Variants in SUGP2 observed in about 807,000 individuals in gnomAD.
SUGP2 encodes the protein SURP and G-patch domain-containing protein 2.
A neutral mutation model predicts 90.5 loss-of-function variants in SUGP2; 24 were observed. The observed-to-expected ratio is 0.27, with a 90% confidence interval of 0.19 to 0.37. The LOEUF (loss-of-function observed/expected upper bound fraction) is 0.37, where lower values mean the gene tolerates loss of function less well. Ranked by LOEUF, SUGP2 falls within the 10% of genes least tolerant of loss-of-function variation. SUGP2 has a pLI of 1.00. For missense variants in SUGP2, 1,233 were observed against 1,363.3 expected (o/e 0.90, Z 1.51); for synonymous variants, 473 against 513.4 (o/e 0.92, Z 1.06).
intron 3 of SUGP2, among the ~76,000 whole-genome samples, chr19:19,023,931 T>C (rs1182793093): frequency 6.6e-6 from 1 of 151,838 alleles, no homozygotes; most frequent in Non-Finnish European, 1.5e-5. Context: ...CAACCCTTCT[T>C]TTTTTCAAAG....
chr19:19,013,555 C>A (rs539850457), intron 4 of SUGP2, among the ~76,000 whole-genome samples: 38 of 152,312 alleles, frequency 2.5e-4, no homozygotes, highest in Admixed American at 7.2e-4. Flanking sequence ...TCAAACAAGA[C>A]AAAGGCCTGC....
Position 19,025,516 on chromosome 19 carries a change from G to A in SUGP2, c.832C>T (p.Pro278Ser). The change falls in exon 3 of 11, where the codon CCT becomes TCT. Residue 278 changes from proline (P) to serine (S), a missense_variant. Physicochemically the swap from Pro to Ser is moderately conservative, Grantham distance 74 (BLOSUM62 -1). This residue lies in a region of SUGP2 where 418 missense variants were observed against 399.9 expected (regional missense o/e 1.05). Transcript: ENST00000452918. ...GGGTTTGTCCCCAGGGTCACATCAG[G>A]ACTTGGAGTGTTTTTCTGGATTTGG... ...TNQIQKNTPS[P>S]DVTLGTNPGT... 1 of 1,614,076 alleles carries A rather than the reference G, an allele frequency of 6.2e-7. No homozygotes were observed. The highest frequency in any genetic ancestry group is 8.5e-7 in the Non-Finnish European group (1 of 1,180,012).
At position 18,994,455 on chromosome 19, in the gene SUGP2, C is replaced by T. The variant is rs1362081477; in HGVS notation, c.3160G>A (p.Ala1054Thr). The change falls in exon 10 of 11, where the codon GCT becomes ACT. Residue 1054 changes from alanine to threonine, a missense_variant. This residue lies in a region of SUGP2 where 53 missense variants were observed against 55.3 expected (regional missense o/e 0.96). Coordinates refer to ENST00000452918, the MANE Select transcript of SUGP2 (RefSeq NM_001017392.5). ...GTPSEGEGLG[A>T]DGQEHKEDTF... is the part of the protein sequence containing the mutation. Reference sequence around the variant, plus strand: ...TCTTCTTTGTGCTCCTGCCCGTCAGCACCCAACCCTTCCCCTTCCGAGGGG... The same window carrying T: ...TCTTCTTTGTGCTCCTGCCCGTCAGTACCCAACCCTTCCCCTTCCGAGGGG... The T allele has an allele frequency of 3.1e-6, 5 of 1,614,088 alleles. No homozygotes were observed. Among genetic ancestry groups the T allele is most frequent in the African/African-American group, 1.3e-5 (1 of 74,942 alleles).
At chr19:18,997,590 C>T (rs1282813645) in intron 8 of SUGP2, among the ~76,000 whole-genome samples, 1 of 151,978 alleles carries the variant, frequency 6.6e-6, no homozygotes, top group Non-Finnish European at 1.5e-5. Flanking sequence ...TGAGACCAGC[C>T]TGACCAACAT....
At chr19:19,007,611 C>T (rs1599454583) in intron 6 of SUGP2, among the ~76,000 whole-genome samples, 1 of 151,822 alleles carries the variant, frequency 6.6e-6, no homozygotes, top group Non-Finnish European at 1.5e-5. Context: ...CCTGCCACTA[C>T]ACCCGGCTAA....
chr19:19,022,886 G>T (rs2058781519), intron 3 of SUGP2, among the ~76,000 whole-genome samples: 1 of 152,138 alleles, frequency 6.6e-6, no homozygotes, highest in South Asian at 2.1e-4. Context: ...TTCGCCACTG[G>T]ACTGGGGGCA....
chr19:18,997,654 G>A (rs574523846), intron 8 of SUGP2, among the ~76,000 whole-genome samples: 3 of 151,910 alleles, frequency 2.0e-5, no homozygotes, highest in African/African-American at 4.8e-5. Flanking sequence ...GTGGTGGCAC[G>A]CCCCTGTAAT....
chr19:19,033,461 ACC>A lies in SUGP2; in HGVS notation c.-38_-37del. The A allele has an allele frequency of 7.2e-7, 1 of 1,394,920 alleles. No individual in the cohort carries two copies. Among genetic ancestry groups the A allele is most frequent in the Non-Finnish European group, 9.3e-7 (1 of 1,074,418 alleles). 86.4% of individuals were successfully genotyped at this position (1,394,920 alleles called of 1,614,324 possible). ...CCCCGAGACCACCGCGCGCGGAGCC[ACC>A]CCCGCCGCCGCCTCAGGCTCCTCAC... is the stretch of plus-strand genomic sequence containing the variant. On this transcript the variant is annotated 5_prime_UTR_variant, in exon 1 of 11. Coordinates refer to ENST00000452918, the MANE Select transcript of SUGP2 (RefSeq NM_001017392.5).
Position 19,010,149 on chromosome 19 carries a change from G to A in SUGP2, c.2044C>T (p.Leu682Phe). Residue 682 changes from leucine to phenylalanine, a missense_variant, in exon 5 of 11, where the codon CTC becomes TTC. Leu to Phe is a conservative substitution (Grantham distance 22). Transcript: ENST00000452918. ...KKLLPWQRRGLLRAQGLRGWK... is the reference protein window; with the variant it reads ...KKLLPWQRRGFLRAQGLRGWK... ...CCCCGGAGCCCTTGAGCACGGAGGA[G>A]CCCCCGCCGCTGCCACGGAAGGAGT... The A allele has an allele frequency of 6.2e-7, 1 of 1,612,722 alleles. No homozygotes were observed. The highest frequency in any genetic ancestry group is 8.5e-7 in the Non-Finnish European group (1 of 1,179,860).
chr19:19,004,032 G>C lies in SUGP2; in HGVS notation c.2929+136C>G, dbSNP rs559274710. 4 of 685,660 alleles carry C rather than the reference G, an allele frequency of 5.8e-6. No homozygotes were observed. In the South Asian group the frequency reaches 8.0e-5, roughly 14 times the overall value. The allele number at this position is 685,660 out of a possible 1,614,324, so 42.5% of individuals were successfully genotyped here. On this transcript the variant is annotated intron_variant, in intron 7 of 10. Transcript: ENST00000452918. Reference sequence around the variant, plus strand: ...ATGCCTTCAGACCACTGGGAAACATGAGTGTCGGCTCACATTTTGGAGTGG... The same window carrying C: ...ATGCCTTCAGACCACTGGGAAACATCAGTGTCGGCTCACATTTTGGAGTGG...
chr19:19,031,154 T>C (rs2059135557), intron 1 of SUGP2, 72 bp from the exon 2 acceptor site: 3 of 1,524,788 alleles, frequency 2.0e-6, no homozygotes, highest in Admixed American at 4.2e-5. Context: ...ATACCTGTAA[T>C]CCTGGCACTT....
intron 7 of SUGP2, among the ~76,000 whole-genome samples, chr19:19,002,751 G>A (rs537809893): frequency 6.6e-6 from 1 of 152,022 alleles, no homozygotes; most frequent in South Asian, 2.1e-4. Flanking sequence ...GACCAAAGGC[G>A]ATCCTCCCGC....
In SUGP2 at chr19:19,026,315, G is replaced by A. The variant is rs552594508; in HGVS notation, c.122-89C>T. ...AAACAGTGCAAACAAACAGTCCACG[G>A]ATCACCAGGCAGCAAAACTGCTTTA... is the stretch of plus-strand genomic sequence containing the variant. On this transcript the variant is annotated intron_variant, in intron 2 of 10. Transcript: ENST00000452918. 332 of 1,343,468 alleles carry A rather than the reference G, an allele frequency of 2.5e-4. 3 individuals are homozygous for A. Among genetic ancestry groups the A allele is most frequent in the Non-Finnish European group, 3.9e-5 (40 of 1,017,826 alleles). 83.2% of individuals were successfully genotyped at this position (1,343,468 alleles called of 1,614,324 possible). A position where few individuals can be genotyped will look rare whatever the true frequency, so the allele number is the denominator to read the frequency against.
intron 6 of SUGP2, among the ~76,000 whole-genome samples, chr19:19,005,874 CA>C (rs67270367): frequency 0.35 from 25,065 of 72,350 alleles, 2,535 homozygotes; most frequent in Middle Eastern, 0.4. Context: ...CACACACACA[CA>C]CACACACACA....
chr19:19,033,463 C>T lies in SUGP2; in HGVS notation c.-38G>A. On this transcript the variant is annotated 5_prime_UTR_variant, in exon 1 of 11. Transcript: ENST00000452918. Reference sequence around the variant, plus strand: ...CCGAGACCACCGCGCGCGGAGCCACCCCCGCCGCCGCCTCAGGCTCCTCAC... The same window carrying T: ...CCGAGACCACCGCGCGCGGAGCCACTCCCGCCGCCGCCTCAGGCTCCTCAC... 3 of 1,402,332 alleles carry T rather than the reference C, an allele frequency of 2.1e-6. No homozygotes were observed. The highest frequency in any genetic ancestry group is 2.7e-5 in the South Asian group (2 of 74,144). The allele number at this position is 1,402,332 out of a possible 1,614,324, so 86.9% of individuals were successfully genotyped here. A position where few individuals can be genotyped will look rare whatever the true frequency, so the allele number is the denominator to read the frequency against.
intron 2 of SUGP2, among the ~76,000 whole-genome samples, chr19:19,028,242 A>G (rs4808178): frequency 0.064 from 9,812 of 152,302 alleles, 382 homozygotes; most frequent in Middle Eastern, 0.15. Flanking sequence ...AACGTGCTAC[A>G]AAGTTAGGGA....
chr19:19,022,016 C>G (rs777186381), intron 3 of SUGP2, among the ~76,000 whole-genome samples: 1 of 151,090 alleles, frequency 6.6e-6, no homozygotes, highest in South Asian at 2.1e-4. Flanking sequence ...GACAGAGTCT[C>G]GCTCTGTCGC....
chr19:19,031,136 G>C (rs1489019090), intron 1 of SUGP2, 54 bp from the exon 2 acceptor site: 1 of 1,575,296 alleles, frequency 6.3e-7, no homozygotes, highest in Non-Finnish European at 8.6e-7. Context: ...AGCTGGGCGC[G>C]GTGGCTCATA....
At chr19:19,015,696 G>A (rs1335405183) in intron 4 of SUGP2, among the ~76,000 whole-genome samples, 2 of 152,086 alleles carry the variant, frequency 1.3e-5, no homozygotes, top group Non-Finnish European at 2.9e-5. Flanking sequence ...TTAGAGACAC[G>A]GTTTCACTAT....
Sources: allele counts gnomAD v4.1 joint callset (sites outside exome capture counted in the v4.1 genomes callset), GRCh38; gene constraint gnomAD v4.1.1; regional missense constraint gnomAD v4.1.1; transcripts MANE v1.5; gene names NCBI Gene and HGNC (gene_info 2026-07-23, HGNC 2026-07-21).